PXDNL: variants seen among roughly 807,000 people sequenced by gnomAD.
PXDNL encodes the protein peroxidasin like.
In PXDNL, 145 loss-of-function variants were observed where a neutral mutation model predicts 150.8. The observed-to-expected ratio is 0.96, with a 90% confidence interval of 0.84 to 1.10. PXDNL has a LOEUF of 1.10. Ranked by LOEUF, PXDNL falls within the 50% of genes least tolerant of loss-of-function variation. The pLI is 0.00. For synonymous variants in PXDNL, 757 were observed against 725.7 expected (o/e 1.04, Z -0.69); for missense variants, 2,087 against 1,873.9 (o/e 1.11, Z -2.10).
At chr8:51,528,869 C>T (rs376700203) in intron 4 of PXDNL, among the ~76,000 whole-genome samples, 2 of 152,128 alleles carry the variant, frequency 1.3e-5, no homozygotes, top group East Asian at 1.9e-4. Context: ...GAGTAGGAAG[C>T]GAATTATCCC....
chr8:51,432,127 C>CT (rs1222373798), intron 12 of PXDNL, among the ~76,000 whole-genome samples: 1 of 152,050 alleles, frequency 6.6e-6, no homozygotes, highest in African/African-American at 2.4e-5. Flanking sequence ...AATATTAAAA[C>CT]TTTTTTATCT....
chr8:51,473,274 AACACACACACAC>A (rs1164131411), intron 7 of PXDNL, among the ~76,000 whole-genome samples: 3 of 133,936 alleles, frequency 2.2e-5, no homozygotes, highest in African/African-American at 5.4e-5. Flanking sequence ...GTAGAAAATA[AACACACACACAC>A]ACACACACAC....
chr8:51,664,122 GAGA>G (rs940940880), intron 1 of PXDNL, among the ~76,000 whole-genome samples: 2 of 152,040 alleles, frequency 1.3e-5, no homozygotes, highest in African/African-American at 4.8e-5. Context: ...GTTGCAGTGG[GAGA>G]AGGACTAGGC....
Position 51,447,197 on chromosome 8 carries a change from C to T in PXDNL, c.1367-35G>A, listed in dbSNP as rs183054056. 670 of 1,599,908 alleles carry T rather than the reference C, an allele frequency of 4.2e-4. 2 individuals are homozygous for T. In the African/African-American group the frequency reaches 5.4e-3, roughly 13 times the overall value. On this transcript the variant is annotated intron_variant, in intron 11 of 22. Coordinates refer to ENST00000356297, the MANE Select transcript of PXDNL (RefSeq NM_144651.5). ...GAGGTAAAGAAAGTATTCTTCATGG[C>T]CCAGAGCACTGAAAGCCAGAGCTGC... is the stretch of plus-strand genomic sequence containing the variant.
At chr8:51,541,607 G>A (rs1459260331) in intron 4 of PXDNL, among the ~76,000 whole-genome samples, 1 of 152,142 alleles carries the variant, frequency 6.6e-6, no homozygotes, top group African/African-American at 2.4e-5. Context: ...GGAAGCCTCT[G>A]CAGGTCTCTA....
Position 51,783,359 on chromosome 8 carries a change from C to T in PXDNL, c.164+25822G>A, listed in dbSNP as rs369086516. 4.6e-5 allele frequency among the ~76,000 whole-genome samples: 7 copies of T among 152,298 alleles called. 1 individual carries two copies. The highest frequency in any genetic ancestry group is 1.4e-4 in the African/African-American group (6 of 41,556). ...CCTTCTGCTGCTGAGTCGAATAACACGTAATGCCTTCACTAATAGAGAATA... is the reference window on the plus strand; with the variant it reads ...CCTTCTGCTGCTGAGTCGAATAACATGTAATGCCTTCACTAATAGAGAATA... On this transcript the variant is annotated intron_variant, in intron 1 of 22. Coordinates refer to ENST00000356297, the MANE Select transcript of PXDNL (RefSeq NM_144651.5).
chr8:51,662,171 C>G (rs192345694), intron 1 of PXDNL, among the ~76,000 whole-genome samples: 1 of 152,096 alleles, frequency 6.6e-6, no homozygotes, highest in Non-Finnish European at 1.5e-5. Context: ...TCCTTATTTT[C>G]GGGTCTGCAG....
intron 1 of PXDNL, among the ~76,000 whole-genome samples, chr8:51,677,304 G>A (rs572555987): frequency 5.3e-5 from 8 of 152,226 alleles, no homozygotes; most frequent in African/African-American, 1.4e-4. Flanking sequence ...TATTACATAC[G>A]TTTCCTATAA....
At chr8:51,708,376 T>C (rs983655287) in intron 1 of PXDNL, among the ~76,000 whole-genome samples, 5 of 152,222 alleles carry the variant, frequency 3.3e-5, no homozygotes, top group Non-Finnish European at 5.9e-5. Flanking sequence ...CATAAGCACC[T>C]ACTGTAGGCT....
At position 51,639,530 on chromosome 8, in the gene PXDNL, G is replaced by A. The variant is rs189171997; in HGVS notation, c.236+15159C>T. On this transcript the variant is annotated intron_variant, in intron 2 of 22. Transcript: ENST00000356297. ...AAATGATAAAGGGGATATCACCACC[G>A]ATCCCACAGAAATACAAATTACCAT... Among the ~76,000 whole-genome samples the A allele has an allele frequency of 1.6e-4, 24 of 152,206 alleles. No homozygotes were observed. In the East Asian group the frequency reaches 2.5e-3, roughly 16 times the overall value.
At chr8:51,555,293 A>G (rs533680193) in intron 4 of PXDNL, among the ~76,000 whole-genome samples, 2 of 152,288 alleles carry the variant, frequency 1.3e-5, no homozygotes, top group East Asian at 1.9e-4. Flanking sequence ...TTGCTCCCAC[A>G]ATAAGAAACT....
intron 17 of PXDNL, 29 bp from the exon 18 acceptor site, chr8:51,374,760 A>T (rs748182324): frequency 6.2e-7 from 1 of 1,604,616 alleles, no homozygotes; most frequent in East Asian, 2.2e-5. Flanking sequence ...GACAGCGCAC[A>T]CCTGAGACTG....
At chr8:51,619,341 C>T (rs1814191344) in intron 2 of PXDNL, among the ~76,000 whole-genome samples, 1 of 152,134 alleles carries the variant, frequency 6.6e-6, no homozygotes, top group Non-Finnish European at 1.5e-5. Context: ...ATCACATGAC[C>T]CCCTTTACAG....
At chr8:51,561,368 T>C (rs1812718012) in intron 3 of PXDNL, among the ~76,000 whole-genome samples, 1 of 151,666 alleles carries the variant, frequency 6.6e-6, no homozygotes, top group African/African-American at 2.4e-5. Flanking sequence ...CATTGGAGAG[T>C]GAATAGAAAA....
intron 19 of PXDNL, among the ~76,000 whole-genome samples, chr8:51,363,050 C>T (rs1448259603): frequency 6.6e-6 from 1 of 152,136 alleles, no homozygotes; most frequent in East Asian, 1.9e-4. Flanking sequence ...CCTAGAACAG[C>T]AGCTACCAGC....
At chr8:51,619,727 C>G (rs1157542733) in intron 2 of PXDNL, among the ~76,000 whole-genome samples, 1 of 152,182 alleles carries the variant, frequency 6.6e-6, no homozygotes, top group African/African-American at 2.4e-5. Context: ...CCTGTACAAC[C>G]TACAGAACCG....
chr8:51,675,566 A>G (rs10112473), intron 1 of PXDNL, among the ~76,000 whole-genome samples: 127,831 of 151,908 alleles, frequency 0.84, 54,092 homozygotes, highest in African/African-American at 0.93. Flanking sequence ...AGGCAGAGGC[A>G]GGCGGATCAT....
chr8:51,644,499 G>A (rs62505332), intron 2 of PXDNL, among the ~76,000 whole-genome samples: 86,079 of 142,132 alleles, frequency 0.61, 29,237 homozygotes, highest in Non-Finnish European at 0.74. Flanking sequence ...TCGATCTGTC[G>A]CCCAGGCTGG....
At chr8:51,577,095 C>T (rs767459380) in intron 3 of PXDNL, among the ~76,000 whole-genome samples, 3 of 151,842 alleles carry the variant, frequency 2.0e-5, no homozygotes, top group Non-Finnish European at 4.4e-5. Flanking sequence ...ACCAAATCTA[C>T]ACAATCTCTT....
Sources: gnomAD v4.1 joint callset for allele counts (sites outside exome capture counted in the v4.1 genomes callset) on GRCh38, gnomAD v4.1.1 for gene constraint, MANE v1.5 for transcripts, NCBI Gene and HGNC (gene_info 2026-07-23, HGNC 2026-07-21) for gene names.